The following ZCCHC17 variants were observed in gnomAD, a reference collection of about 807,000 sequenced individuals.
ZCCHC17 encodes zinc finger CCHC domain-containing protein 17.
In ZCCHC17, 18 loss-of-function variants were observed where a neutral mutation model predicts 30.6. The ratio of observed to expected loss-of-function variants is 0.59; its 90% CI spans 0.41 to 0.87. The LOEUF (loss-of-function observed/expected upper bound fraction) is 0.87, where lower values mean the gene tolerates loss of function less well. ZCCHC17 is among the 40% of genes least tolerant of loss of function. The pLI is 0.00. For synonymous variants in ZCCHC17, 88 were observed against 92.4 expected, an observed-to-expected ratio of 0.95 and a Z score of 0.27; for missense variants, 263 against 284.2, an observed-to-expected ratio of 0.93 and a Z score of 0.54.
Position 31,297,088 on chromosome 1 carries a change from A to C in ZCCHC17, c.-56+13A>C. 2.4e-6 allele frequency: 1 copy of C among 423,384 alleles called. No individual in the cohort carries two copies. Among genetic ancestry groups the C allele is most frequent in the Non-Finnish European group, 4.2e-6 (1 of 238,864 alleles). 26.2% of individuals were successfully genotyped at this position (423,384 alleles called of 1,614,324 possible). Reference sequence around the variant, plus strand: ...GAGCTGACGCCTAGTACGTATGAGGAAGAACGGGGTGGGTGGCTGCCTGAG... The same window carrying C: ...GAGCTGACGCCTAGTACGTATGAGGCAGAACGGGGTGGGTGGCTGCCTGAG... On this transcript the variant is annotated intron_variant, in intron 1 of 7. Transcript: ENST00000344147.
At chr1:31,351,909 C>T (rs1216450991) in intron 7 of ZCCHC17, among the ~76,000 whole-genome samples, 1 of 152,148 alleles carries the variant, frequency 6.6e-6, no homozygotes, top group Non-Finnish European at 1.5e-5. Flanking sequence ...AAATTAAGTG[C>T]TTGTGTCTGT....
At chr1:31,325,908 A>G (rs1569825169) in intron 3 of ZCCHC17, among the ~76,000 whole-genome samples, 3 of 152,012 alleles carry the variant, frequency 2.0e-5, no homozygotes, top group Admixed American at 2.0e-4. Context: ...CAGAAGGATC[A>G]CTTGGGCCCA....
chr1:31,353,035 G>A (rs1397520405), intron 7 of ZCCHC17, among the ~76,000 whole-genome samples: 1 of 152,088 alleles, frequency 6.6e-6, no homozygotes, highest in Non-Finnish European at 1.5e-5. Flanking sequence ...TTATTTTCTG[G>A]GTTTTGTGTT....
intron 3 of ZCCHC17, among the ~76,000 whole-genome samples, chr1:31,332,262 C>G (rs1050343006): frequency 6.6e-6 from 1 of 152,068 alleles, no homozygotes; most frequent in African/African-American, 2.4e-5. Flanking sequence ...CAGTTCATAC[C>G]CTTCCCCTGA....
At chr1:31,316,145 A>C (rs1646725812) in intron 2 of ZCCHC17, among the ~76,000 whole-genome samples, 1 of 152,190 alleles carries the variant, frequency 6.6e-6, no homozygotes, top group Admixed American at 6.5e-5. Context: ...TCTGTCACCC[A>C]GGCTGGAGTG....
chr1:31,348,218 G>T (rs1040907359), intron 6 of ZCCHC17, among the ~76,000 whole-genome samples: 1 of 152,180 alleles, frequency 6.6e-6, no homozygotes, highest in Non-Finnish European at 1.5e-5. Context: ...TTTGAACTCT[G>T]CTTCTGTCTA....
At chr1:31,299,098 A>G (rs926131656) in intron 1 of ZCCHC17, among the ~76,000 whole-genome samples, 6 of 152,220 alleles carry the variant, frequency 3.9e-5, no homozygotes, top group Non-Finnish European at 8.8e-5. Flanking sequence ...CAAAAGCCAG[A>G]TATGAGGCAA....
chr1:31,329,229 A>G (rs911932374), intron 3 of ZCCHC17, among the ~76,000 whole-genome samples: 2 of 152,360 alleles, frequency 1.3e-5, no homozygotes, highest in Non-Finnish European at 2.9e-5. Context: ...GTATTATACT[A>G]CATCTGTGCT....
At chr1:31,331,422 AG>A (rs1167892884) in intron 3 of ZCCHC17, among the ~76,000 whole-genome samples, 1 of 152,104 alleles carries the variant, frequency 6.6e-6, no homozygotes, top group Non-Finnish European at 1.5e-5. Context: ...CTGGGATTAC[AG>A]GCGTGAGCCA....
At chr1:31,316,800 G>T (rs1341190292) in intron 2 of ZCCHC17, among the ~76,000 whole-genome samples, 1 of 152,088 alleles carries the variant, frequency 6.6e-6, no homozygotes, top group Non-Finnish European at 1.5e-5. Context: ...ATGTTCATTA[G>T]TATAAAACAT....
chr1:31,317,593 C>T (rs1191605818), intron 2 of ZCCHC17, among the ~76,000 whole-genome samples: 1 of 151,996 alleles, frequency 6.6e-6, no homozygotes, highest in Non-Finnish European at 1.5e-5. Context: ...ACATCTTTCA[C>T]TCCAAAGCAT....
intron 3 of ZCCHC17, 146 bp downstream of exon 3, chr1:31,319,312 T>C: frequency 1.6e-6 from 1 of 637,726 alleles, no homozygotes; most frequent in Non-Finnish European, 2.6e-6. Context: ...GAATACAAGA[T>C]GACAGTTCAT....
At chr1:31,321,518 A>T (rs1046995743) in intron 3 of ZCCHC17, among the ~76,000 whole-genome samples, 1 of 152,218 alleles carries the variant, frequency 6.6e-6, no homozygotes, top group African/African-American at 2.4e-5. Context: ...TCTATTGCCC[A>T]GGCTAGAGTG....
At chr1:31,317,777 CTA>C (rs1646772613) in intron 2 of ZCCHC17, among the ~76,000 whole-genome samples, 1 of 152,176 alleles carries the variant, frequency 6.6e-6, no homozygotes, top group African/African-American at 2.4e-5. Flanking sequence ...TACACCTATA[CTA>C]TTCCACTTCA....
intron 3 of ZCCHC17, among the ~76,000 whole-genome samples, chr1:31,321,636 G>A (rs1166751382): frequency 6.6e-6 from 1 of 152,064 alleles, no homozygotes; most frequent in African/African-American, 2.4e-5. Flanking sequence ...CACCACACCC[G>A]GCTAATTTTT....
intron 2 of ZCCHC17, among the ~76,000 whole-genome samples, chr1:31,313,404 A>T (rs1470470374): frequency 6.6e-6 from 1 of 152,104 alleles, no homozygotes; most frequent in Non-Finnish European, 1.5e-5. Flanking sequence ...TATCATTTAT[A>T]CTTGATATTC....
At chr1:31,341,166 A>G (rs1319275858) in intron 5 of ZCCHC17, among the ~76,000 whole-genome samples, 1 of 152,158 alleles carries the variant, frequency 6.6e-6, no homozygotes, top group Non-Finnish European at 1.5e-5. Flanking sequence ...GACTTACAGA[A>G]CTTTTCATAT....
intron 3 of ZCCHC17, among the ~76,000 whole-genome samples, chr1:31,320,386 T>A (rs2148429119): frequency 6.6e-6 from 1 of 152,346 alleles, no homozygotes; most frequent in South Asian, 2.1e-4. Flanking sequence ...TTTGGTATAT[T>A]CAGAGTTTTG....
At chr1:31,340,597 G>A (rs551206006) in intron 5 of ZCCHC17, among the ~76,000 whole-genome samples, 8 of 152,256 alleles carry the variant, frequency 5.3e-5, no homozygotes, top group South Asian at 4.1e-4. Flanking sequence ...GATTACAGGC[G>A]CGAGCCACCG....
Sources: gnomAD v4.1 joint callset for allele counts (sites outside exome capture counted in the v4.1 genomes callset) on GRCh38, gnomAD v4.1.1 for gene constraint, MANE v1.5 for transcripts, NCBI Gene and HGNC (gene_info 2026-07-23, HGNC 2026-07-21) for gene names.